PRDM5: variants seen among roughly 807,000 people sequenced by gnomAD.
PRDM5 encodes the protein PR domain zinc finger protein 5.
A neutral mutation model predicts 81.2 loss-of-function variants in PRDM5; 56 were observed. The observed-to-expected ratio is 0.69, with a 90% CI of 0.56 to 0.86. The LOEUF (loss-of-function observed/expected upper bound fraction) is 0.86, where lower values mean the gene tolerates loss of function less well. PRDM5 is among the 40% of genes least tolerant of loss of function. The pLI is 0.00. For synonymous variants in PRDM5, 267 were observed against 256.4 expected (o/e 1.04, Z -0.39); for missense variants, 697 against 770.1 (o/e 0.91, Z 1.12).
At chr4:120,900,910 G>C (rs1232837734) in intron 2 of PRDM5, among the ~76,000 whole-genome samples, 2 of 151,992 alleles carry the variant, frequency 1.3e-5, no homozygotes, top group African/African-American at 4.8e-5. Context: ...TAATAAAAAA[G>C]TCTCCCTCTC....
At chr4:120,920,794 T>G (rs1197828516) in intron 1 of PRDM5, among the ~76,000 whole-genome samples, 1 of 152,260 alleles carries the variant, frequency 6.6e-6, no homozygotes, top group African/African-American at 2.4e-5. Context: ...AATCTGTATG[T>G]GTTTTATTTA....
At chr4:120,737,320 A>C (rs1453251549) in intron 14 of PRDM5, among the ~76,000 whole-genome samples, 6 of 152,202 alleles carry the variant, frequency 3.9e-5, no homozygotes, top group African/African-American at 9.7e-5. Flanking sequence ...GCCTAGACAG[A>C]TAGAACTGCC....
chr4:120,799,120 T>G (rs763182996), intron 9 of PRDM5, among the ~76,000 whole-genome samples: 4 of 151,116 alleles, frequency 2.6e-5, no homozygotes, highest in Non-Finnish European at 5.9e-5. Flanking sequence ...TTTTTTAATC[T>G]GCATTAGTAA....
In PRDM5 at chr4:120,697,668, C is replaced by CTTTTTTTTTTTTTTTTTTTTTTTTTTTTT. The variant is rs1734691599; in HGVS notation, c.1729-2394_1729-2393insAAAAAAAAAAAAAAAAAAAAAAAAAAAAA. ...GCCAGATGCCACCATGCCCAGCTAA[C>CTTTTTTTTTTTTTTTTTTTTTTTTTTTTT]TATTTTTTTTTTTTTTTTTTTTTTG... is the stretch of plus-strand genomic sequence containing the variant. On this transcript the variant is annotated intron_variant, in intron 15 of 15. Coordinates refer to ENST00000264808, the MANE Select transcript of PRDM5 (RefSeq NM_018699.4). 4.7e-5 allele frequency among the ~76,000 whole-genome samples: 2 copies of CTTTTTTTTTTTTTTTTTTTTTTTTTTTTT among 42,862 alleles called. 1 individual carries two copies. The highest frequency in any genetic ancestry group is 1.1e-4 in the African/African-American group (2 of 18,548). 28.1% of individuals were successfully genotyped at this position (42,862 alleles called of 152,430 possible). A position where few individuals can be genotyped will look rare whatever the true frequency, so the allele number is the denominator to read the frequency against.
At chr4:120,709,518 GCTTACCCTAT>G (rs1282032885) in intron 15 of PRDM5, among the ~76,000 whole-genome samples, 1 of 152,172 alleles carries the variant, frequency 6.6e-6, no homozygotes, top group Non-Finnish European at 1.5e-5. Flanking sequence ...CATATGGACT[GCTTACCCTAT>G]GCTGTATCCA....
rs752659848 is a variant in PRDM5, at chr4:120,922,652, T to A, written c.-44A>T. 3.2e-6 allele frequency: 5 copies of A among 1,568,704 alleles called. No individual in the cohort carries two copies. Among genetic ancestry groups the A allele is most frequent in the Non-Finnish European group, 3.5e-6 (4 of 1,156,440 alleles). ...CGCCGCCTCTCTCAACACCGGCGCT[T>A]AGCGCCCGGCAGGCGGCACATCGAA... is the stretch of plus-strand genomic sequence containing the variant. On this transcript the variant is annotated 5_prime_UTR_variant, in exon 1 of 16. It introduces an in-frame stop codon into an upstream open reading frame of the 5' UTR. Transcript: ENST00000264808.
chr4:120,867,856 C>G (rs1002601163), intron 2 of PRDM5, among the ~76,000 whole-genome samples: 2 of 152,182 alleles, frequency 1.3e-5, no homozygotes, highest in African/African-American at 4.8e-5. Context: ...AAAACTTGGC[C>G]TGAGCACATA....
intron 13 of PRDM5, among the ~76,000 whole-genome samples, chr4:120,763,846 C>T (rs1578642090): frequency 6.6e-6 from 1 of 150,918 alleles, no homozygotes; most frequent in Non-Finnish European, 1.5e-5. Flanking sequence ...ATAGTGCCAG[C>T]AAGGAAGTAT....
At chr4:120,817,702 A>G (rs1472866003) in intron 5 of PRDM5, among the ~76,000 whole-genome samples, 1 of 152,212 alleles carries the variant, frequency 6.6e-6, no homozygotes, top group African/African-American at 2.4e-5. Context: ...TTACAAATGC[A>G]TATACCTACT....
At chr4:120,738,340 G>A (rs1033348219) in intron 14 of PRDM5, among the ~76,000 whole-genome samples, 4 of 152,164 alleles carry the variant, frequency 2.6e-5, no homozygotes, top group Non-Finnish European at 5.9e-5. Context: ...GGAGAAAATC[G>A]TATAATGGTG....
downstream of PRDM5, among the ~76,000 whole-genome samples, chr4:120,684,350 A>G (rs183370324): frequency 8.3e-3 from 1,269 of 152,070 alleles, 16 homozygotes; most frequent in African/African-American, 0.029. Flanking sequence ...CTTCCTTGTC[A>G]GCAAGAAAGA....
At chr4:120,751,861 G>A (rs764983749) in intron 14 of PRDM5, among the ~76,000 whole-genome samples, 1 of 152,120 alleles carries the variant, frequency 6.6e-6, no homozygotes, top group Non-Finnish European at 1.5e-5. Flanking sequence ...AGCATCTTGG[G>A]TTGTCTTACC....
intron 7 of PRDM5, among the ~76,000 whole-genome samples, chr4:120,813,386 C>T (rs917703885): frequency 2.0e-5 from 3 of 152,164 alleles, no homozygotes; most frequent in Non-Finnish European, 4.4e-5. Flanking sequence ...CCATTCCTGC[C>T]TCAACCTCAA....
rs150933608 is a variant in PRDM5, at chr4:120,700,295, C to T, written c.1729-5020G>A. Reference sequence around the variant, plus strand: ...CTGGATTCCTACCTTTCAACATATACAAAAATTAACTTTAAGATGAATTAA... The same window carrying T: ...CTGGATTCCTACCTTTCAACATATATAAAAATTAACTTTAAGATGAATTAA... On this transcript the variant is annotated intron_variant, in intron 15 of 15. Coordinates refer to ENST00000264808, the MANE Select transcript of PRDM5 (RefSeq NM_018699.4). Among the ~76,000 whole-genome samples, 44 of 152,218 alleles carry T rather than the reference C, an allele frequency of 2.9e-4. No homozygotes were observed. The East Asian group carries it at 5.4e-3, about 19-fold the overall frequency.
intron 2 of PRDM5, among the ~76,000 whole-genome samples, chr4:120,902,395 T>G (rs1450814402): frequency 6.6e-6 from 1 of 152,178 alleles, no homozygotes; most frequent in Non-Finnish European, 1.5e-5. Context: ...AAAGAATTAT[T>G]GAGAGTTTAG....
chr4:120,709,509 A>G (rs557721265), intron 15 of PRDM5, among the ~76,000 whole-genome samples: 60 of 152,322 alleles, frequency 3.9e-4, no homozygotes, highest in Middle Eastern at 3.4e-3. Context: ...GTTTCCTTTC[A>G]TATGGACTGC....
chr4:120,815,865 A>G (rs1754423794), intron 7 of PRDM5, among the ~76,000 whole-genome samples: 1 of 152,240 alleles, frequency 6.6e-6, no homozygotes, highest in African/African-American at 2.4e-5. Flanking sequence ...AAATATATTT[A>G]CTGACAGTAT....
intron 13 of PRDM5, chr4:120,762,736 C>T (rs753294551): frequency 3.3e-5 from 5 of 151,828 alleles, no homozygotes; most frequent in Non-Finnish European, 5.9e-5. Flanking sequence ...ACTTTTTTTC[C>T]CCGCAGCAAA....
At chr4:120,794,558 CAT>C (rs1285461374) in intron 10 of PRDM5, among the ~76,000 whole-genome samples, 91 of 119,224 alleles carry the variant, frequency 7.6e-4, no homozygotes, top group African/African-American at 2.2e-3. Context: ...CACACACACA[CAT>C]ACAAATACAC....
Sources: gnomAD v4.1 joint callset for allele counts (sites outside exome capture counted in the v4.1 genomes callset) on GRCh38, gnomAD v4.1.1 for gene constraint, MANE v1.5 for transcripts, NCBI Gene and HGNC (gene_info 2026-07-23, HGNC 2026-07-21) for gene names.